EZH2: variants seen among roughly 807,000 people sequenced by gnomAD.
EZH2 encodes histone-lysine N-methyltransferase EZH2.
A neutral mutation model predicts 98.4 loss-of-function variants in EZH2; 18 were observed. That is an observed-to-expected ratio of 0.18 (90% CI 0.13 to 0.27). The LOEUF (loss-of-function observed/expected upper bound fraction) is 0.27, where lower values mean the gene tolerates loss of function less well. Ranked by LOEUF, EZH2 falls within the 10% of genes least tolerant of loss-of-function variation. The pLI is 1.00. For synonymous variants in EZH2, 338 were observed against 312.3 expected (o/e 1.08, Z -0.87); for missense variants, 470 against 935.1 (o/e 0.50, Z 6.49).
rs374431927 is a variant in EZH2 at position 148,878,410 on chromosome 7, A to G, written c.-8+5754T>C. Among the ~76,000 whole-genome samples, 38 of 152,362 alleles carry G rather than the reference A, an allele frequency of 2.5e-4. No individual in the cohort carries two copies. The South Asian group carries it at 2.9e-3, about 12-fold the overall frequency. Reference sequence around the variant, plus strand: ...TTGTATCTGGCTTATTTCACTAAGCATAATATTCTCCAGCTCCATCCATGT... The same window carrying G: ...TTGTATCTGGCTTATTTCACTAAGCGTAATATTCTCCAGCTCCATCCATGT... On this transcript the variant is annotated intron_variant, in intron 1 of 19. Coordinates refer to ENST00000320356, the MANE Select transcript of EZH2 (RefSeq NM_004456.5).
chr7:148,816,272 G>A (rs1041846151), intron 12 of EZH2, among the ~76,000 whole-genome samples: 11 of 152,058 alleles, frequency 7.2e-5, no homozygotes, highest in African/African-American at 1.4e-4. Context: ...TAGGAGTATC[G>A]GAATGCAATG....
intron 3 of EZH2, among the ~76,000 whole-genome samples, chr7:148,839,064 G>GGA (rs1439172284): frequency 0.011 from 1,441 of 130,192 alleles, 59 homozygotes; most frequent in African/African-American, 0.044. Context: ...AAGGAAGGAA[G>GGA]GAAGGAAGGA....
intron 8 of EZH2, among the ~76,000 whole-genome samples, chr7:148,823,421 T>C (rs1428481099): frequency 1.3e-5 from 2 of 152,126 alleles, no homozygotes; most frequent in Non-Finnish European, 2.9e-5. Flanking sequence ...ATAGCTACAA[T>C]ATTAAATCCT....
At chr7:148,858,391 C>T (rs1817170392) in intron 1 of EZH2, among the ~76,000 whole-genome samples, 3 of 151,994 alleles carry the variant, frequency 2.0e-5, no homozygotes, top group African/African-American at 7.3e-5. Flanking sequence ...GCTGGAGTTC[C>T]GTGGCCCGAC....
At chr7:148,818,198 C>G (rs983651474) in intron 9 of EZH2, 81 bp from the exon 10 acceptor site, 56 of 1,398,238 alleles carry the variant, frequency 4.0e-5, no homozygotes, top group Middle Eastern at 2.6e-4. Context: ...ACTATATAAG[C>G]CAGGTTAGTC....
intron 1 of EZH2, chr7:148,883,349 TAGAG>T (rs1359589145): frequency 6.6e-6 from 1 of 152,194 alleles, no homozygotes; most frequent in Non-Finnish European, 1.5e-5. Context: ...ACACAATCAA[TAGAG>T]AGCAGAGCAG....
At chr7:148,881,799 T>C (rs1387020213) in intron 1 of EZH2, among the ~76,000 whole-genome samples, 1 of 151,778 alleles carries the variant, frequency 6.6e-6, no homozygotes, top group Non-Finnish European at 1.5e-5. Context: ...CCGGGTGTCG[T>C]GGTGCGTGCC....
At chr7:148,839,395 CA>C (rs777158023) in intron 3 of EZH2, among the ~76,000 whole-genome samples, 21 of 151,600 alleles carry the variant, frequency 1.4e-4, no homozygotes, top group Non-Finnish European at 2.7e-4. Flanking sequence ...AAAATGAAAA[CA>C]GAGAACTAAA....
chr7:148,881,768 T>C (rs978741860), intron 1 of EZH2, among the ~76,000 whole-genome samples: 6 of 151,924 alleles, frequency 3.9e-5, no homozygotes, highest in Non-Finnish European at 8.8e-5. Context: ...ACCCTGTCTC[T>C]GCTAAAAATA....
intron 3 of EZH2, among the ~76,000 whole-genome samples, chr7:148,839,873 AG>A (rs948006107): frequency 2.0e-5 from 3 of 152,206 alleles, no homozygotes; most frequent in Non-Finnish European, 4.4e-5. Flanking sequence ...ATATACAAAA[AG>A]TCCTTATGAA....
chr7:148,810,493 T>A, intron 16 of EZH2, 79 bp from the exon 17 acceptor site: 3 of 915,848 alleles, frequency 3.3e-6, no homozygotes, highest in Non-Finnish European at 5.3e-6. Flanking sequence ...GCGCACAGAG[T>A]GAATACTGGA....
At chr7:148,809,048 T>C (rs1406423803) in intron 19 of EZH2, 23 bp downstream of exon 19, 3 of 1,600,562 alleles carry the variant, frequency 1.9e-6, no homozygotes, top group African/African-American at 1.3e-5. Flanking sequence ...TTAGAGATCA[T>C]GCTAGAAATG....
At chr7:148,816,912 G>A (rs559914012) in intron 11 of EZH2, 134 bp from the exon 12 acceptor site, 23 of 676,910 alleles carry the variant, frequency 3.4e-5, no homozygotes, top group South Asian at 1.9e-4. Flanking sequence ...AACACACATC[G>A]CTGTCCCTAC....
chr7:148,816,904 C>T (rs1308792839), intron 11 of EZH2, 126 bp from the exon 12 acceptor site: 6 of 705,920 alleles, frequency 8.5e-6, no homozygotes, highest in African/African-American at 3.5e-5. Flanking sequence ...GGGGATATAA[C>T]ACACATCGCT....
At chr7:148,866,852 C>T (rs1818623410) in intron 1 of EZH2, among the ~76,000 whole-genome samples, 1 of 149,682 alleles carries the variant, frequency 6.7e-6, no homozygotes, top group Non-Finnish European at 1.5e-5. Flanking sequence ...GTAGCTGAGA[C>T]TACAGGTGCA....
chr7:148,862,944 G>A (rs1817908814), intron 1 of EZH2, among the ~76,000 whole-genome samples: 2 of 151,202 alleles, frequency 1.3e-5, no homozygotes, highest in African/African-American at 4.9e-5. Context: ...AAAAAGCAAG[G>A]AACAACTCAG....
chr7:148,867,736 C>T (rs1454163841), intron 1 of EZH2, among the ~76,000 whole-genome samples: 1 of 152,182 alleles, frequency 6.6e-6, no homozygotes, highest in Non-Finnish European at 1.5e-5. Context: ...TTATGTTCTG[C>T]TTCCCTTTTA....
At chr7:148,866,274 G>T (rs567003552) in intron 1 of EZH2, among the ~76,000 whole-genome samples, 48 of 152,052 alleles carry the variant, frequency 3.2e-4, no homozygotes, top group South Asian at 2.9e-3. Context: ...AAAAACTCAG[G>T]TGTTGTCCAT....
chr7:148,837,148 C>G (rs1021699990), intron 3 of EZH2: 2 of 356,984 alleles, frequency 5.6e-6, no homozygotes, highest in East Asian at 1.1e-4. Flanking sequence ...CCAAAGACAA[C>G]AGCCATGGCC....
Sources: gnomAD v4.1 joint callset for allele counts (sites outside exome capture counted in the v4.1 genomes callset) on GRCh38, gnomAD v4.1.1 for gene constraint, MANE v1.5 for transcripts, NCBI Gene and HGNC (gene_info 2026-07-23, HGNC 2026-07-21) for gene names.